The following PTPN9 variants were observed in gnomAD, a reference collection of about 807,000 sequenced individuals.
PTPN9 encodes the protein protein tyrosine phosphatase non-receptor type 9.
Under a neutral mutation model 69.8 loss-of-function variants are expected in PTPN9, and 26 were observed. The ratio of observed to expected loss-of-function variants is 0.37; its 90% CI spans 0.27 to 0.52. The LOEUF is 0.52. Ranked by LOEUF, PTPN9 falls within the 20% of genes least tolerant of loss-of-function variation. The pLI, the probability that PTPN9 is intolerant of heterozygous loss-of-function variation, is 0.91. For synonymous variants in PTPN9, 274 were observed against 272.5 expected (o/e 1.01, Z -0.05); for missense variants, 549 against 740.3 (o/e 0.74, Z 3.00).
At chr15:75,486,360 A>G (rs2074677316) in intron 8 of PTPN9, among the ~76,000 whole-genome samples, 1 of 152,158 alleles carries the variant, frequency 6.6e-6, no homozygotes, top group African/African-American at 2.4e-5. Flanking sequence ...TAGTGCCCTT[A>G]TAAGACAGAA....
intron 8 of PTPN9, among the ~76,000 whole-genome samples, chr15:75,489,411 A>G (rs1468420546): frequency 1.3e-5 from 2 of 152,126 alleles, no homozygotes; most frequent in African/African-American, 2.4e-5. Flanking sequence ...CAACATAGTG[A>G]GAACTTGTCT....
At chr15:75,530,705 A>AC (rs2074956207) in intron 1 of PTPN9, among the ~76,000 whole-genome samples, 1 of 25,980 alleles carries the variant, frequency 3.8e-5, no homozygotes, top group African/African-American at 3.1e-4. Context: ...TATATAATAT[A>AC]TATTATTATA....
At chr15:75,472,674 C>G (rs28651815) in intron 10 of PTPN9, among the ~76,000 whole-genome samples, 1 of 151,010 alleles carries the variant, frequency 6.6e-6, no homozygotes, top group Non-Finnish European at 1.5e-5. Flanking sequence ...TTCCTATAAT[C>G]TCAGCTACTC....
chr15:75,574,959 A>G (rs1213990004), intron 1 of PTPN9, among the ~76,000 whole-genome samples: 4 of 138,760 alleles, frequency 2.9e-5, no homozygotes, highest in Non-Finnish European at 4.6e-5. Context: ...AAAAAAAAAA[A>G]AAGAAAGAAA....
At position 75,465,636 on chromosome 15, in the gene PTPN9, G is replaced by C. The variant is rs760691768; in HGVS notation, c.*3133C>G. ...AATTTGTTAACTCTCTATAGGGTCA[G>C]AAACATGAACTAAATCTATGGTTCC... On this transcript the variant is annotated 3_prime_UTR_variant, in exon 13 of 13. Transcript: ENST00000618819. 8 of 152,176 alleles carry C rather than the reference G, an allele frequency of 5.3e-5. No homozygotes were observed. The East Asian group carries it at 1.5e-3, about 29-fold the overall frequency. The allele number at this position is 152,176 out of a possible 1,614,324, so 9.4% of individuals were successfully genotyped here. A position where few individuals can be genotyped will look rare whatever the true frequency, so the allele number is the denominator to read the frequency against.
rs1407620709 is a variant in PTPN9 at position 75,578,142 on chromosome 15, G to A, written c.63+572C>T. Reference sequence around the variant, plus strand: ...TGGGATAGCTGAATAGGGGGGTCAAGGCCAGGGACTTTAGGAACACGAGAA... The same window carrying A: ...TGGGATAGCTGAATAGGGGGGTCAAAGCCAGGGACTTTAGGAACACGAGAA... On this transcript the variant is annotated intron_variant, in intron 1 of 12. Coordinates refer to ENST00000618819, the MANE Select transcript of PTPN9 (RefSeq NM_002833.4). Among the ~76,000 whole-genome samples the A allele has an allele frequency of 3.3e-5, 5 of 152,192 alleles. No homozygotes were observed. In the East Asian group the frequency reaches 9.6e-4, roughly 29 times the overall value.
At chr15:75,481,079 C>T (rs1286633851) in intron 8 of PTPN9, among the ~76,000 whole-genome samples, 2 of 59,066 alleles carry the variant, frequency 3.4e-5, no homozygotes, top group Non-Finnish European at 6.6e-5. Context: ...CGTCTCTGCC[C>T]GGCCGCCCAT....
intron 8 of PTPN9, 69 bp downstream of exon 8, chr15:75,490,139 G>A: frequency 8.1e-7 from 1 of 1,233,388 alleles, no homozygotes; most frequent in Non-Finnish European, 1.2e-6. Flanking sequence ...CGAAGTATTA[G>A]TAAGCTTCAC....
Position 75,517,254 on chromosome 15 carries a change from C to G in PTPN9, c.528+5G>C. The G allele has an allele frequency of 1.9e-6, 3 of 1,607,298 alleles. No homozygotes were observed. Among genetic ancestry groups the G allele is most frequent in the Non-Finnish European group, 2.6e-6 (3 of 1,174,028 alleles). Reference sequence around the variant, plus strand: ...GAAACTTGAGAGGGCCCTCCATAGCCTTACCTTCAGCAGGTTTAGGACTTT... The same window carrying G: ...GAAACTTGAGAGGGCCCTCCATAGCGTTACCTTCAGCAGGTTTAGGACTTT... On this transcript the variant is annotated splice_donor_5th_base_variant and intron_variant, in intron 5 of 12. Transcript: ENST00000618819.
intron 1 of PTPN9, among the ~76,000 whole-genome samples, chr15:75,541,502 G>A (rs1240094147): frequency 1.3e-5 from 2 of 151,532 alleles, no homozygotes; most frequent in Non-Finnish European, 2.9e-5. Flanking sequence ...CGCCTCCCAG[G>A]TTCACACCAT....
intron 1 of PTPN9, among the ~76,000 whole-genome samples, chr15:75,544,720 C>T (rs539834484): frequency 6.6e-6 from 1 of 152,146 alleles, no homozygotes; most frequent in South Asian, 2.1e-4. Context: ...GTGAACCACA[C>T]AACCAGAAGA....
intron 1 of PTPN9, among the ~76,000 whole-genome samples, chr15:75,571,081 G>A (rs559196361): frequency 1.3e-5 from 2 of 152,162 alleles, no homozygotes; most frequent in Non-Finnish European, 2.9e-5. Flanking sequence ...CCAACATGGC[G>A]AAACCCCGTC....
intron 1 of PTPN9, among the ~76,000 whole-genome samples, chr15:75,540,370 T>C (rs950930011): frequency 6.6e-6 from 1 of 151,554 alleles, no homozygotes; most frequent in Non-Finnish European, 1.5e-5. Context: ...CTGGCCAACA[T>C]GGCAAAACTC....
chr15:75,492,185 T>G (rs1176782814), intron 7 of PTPN9, among the ~76,000 whole-genome samples: 1 of 152,174 alleles, frequency 6.6e-6, no homozygotes, highest in African/African-American at 2.4e-5. Flanking sequence ...AAATGCCAGT[T>G]TAACATGGTA....
intron 2 of PTPN9, among the ~76,000 whole-genome samples, chr15:75,526,808 G>A (rs1345561753): frequency 1.3e-5 from 2 of 152,152 alleles, no homozygotes; most frequent in Non-Finnish European, 2.9e-5. Context: ...CCAATGAAAA[G>A]AGCTAGGATT....
intron 10 of PTPN9, among the ~76,000 whole-genome samples, chr15:75,472,446 T>C (rs1481288785): frequency 6.7e-6 from 1 of 150,062 alleles, no homozygotes; most frequent in Non-Finnish European, 1.5e-5. Flanking sequence ...TGGGCGACAG[T>C]GAGACTCCGT....
intron 1 of PTPN9, among the ~76,000 whole-genome samples, chr15:75,543,498 C>T (rs1045834268): frequency 6.6e-6 from 1 of 152,164 alleles, no homozygotes; most frequent in African/African-American, 2.4e-5. Flanking sequence ...TTCCACTTCA[C>T]TAAATGGGCA....
intron 1 of PTPN9, among the ~76,000 whole-genome samples, chr15:75,536,837 G>GA (rs767841224): frequency 1.1e-4 from 17 of 151,952 alleles, no homozygotes; most frequent in Admixed American, 2.0e-4. Context: ...AGACTGAAAG[G>GA]AAAAAAAATC....
intron 4 of PTPN9, among the ~76,000 whole-genome samples, chr15:75,518,165 A>T (rs1021791202): frequency 1.2e-4 from 19 of 152,214 alleles, no homozygotes; most frequent in Admixed American, 3.3e-4. Context: ...TAAGCCCAGG[A>T]ATTTGAGACC....
Sources: gnomAD v4.1 joint callset for allele counts (sites outside exome capture counted in the v4.1 genomes callset) on GRCh38, gnomAD v4.1.1 for gene constraint, MANE v1.5 for transcripts, NCBI Gene and HGNC (gene_info 2026-07-23, HGNC 2026-07-21) for gene names.